Variants in TSC22D3 observed in about 807,000 individuals in gnomAD.
TSC22D3 encodes the protein TSC22 domain family member 3.
TSC22D3 carries 4 observed loss-of-function variants against 11.1 expected under a neutral mutation model. The observed-to-expected ratio is 0.36, with a 90% CI of 0.18 to 0.83. TSC22D3 has a LOEUF of 0.83. Among genes scored for constraint, TSC22D3 ranks in the 40% least tolerant of loss-of-function variants. The probability of loss-of-function intolerance (pLI) is 0.48; values close to 1 mark genes in which losing one functional copy is unlikely to be tolerated. For synonymous variants in TSC22D3, 77 were observed against 70.3 expected (o/e 1.10, Z -0.48); for missense variants, 118 against 159.4 (o/e 0.74, Z 1.40).
At chrX:107,723,047 G>A (rs1927426457) in intron 1 of TSC22D3, among the ~76,000 whole-genome samples, 1 of 110,660 alleles carries the variant, frequency 9.0e-6, no homozygotes, top group South Asian at 3.9e-4. Flanking sequence ...TCGGGCTTGG[G>A]GGTGCTTGGG....
chrX:107,720,962 A>G (rs1927299361), intron 1 of TSC22D3, among the ~76,000 whole-genome samples: 2 of 111,280 alleles, frequency 1.8e-5, no homozygotes, highest in Admixed American at 1.9e-4. Context: ...CCCAAACAGG[A>G]AACAGTGGCC....
intron 1 of TSC22D3, among the ~76,000 whole-genome samples, chrX:107,764,192 C>T (rs750071877): frequency 1.8e-5 from 2 of 112,565 alleles, no homozygotes; most frequent in South Asian, 7.4e-4. Flanking sequence ...GCATGACTAT[C>T]TGGTTAATGC....
chrX:107,751,374 G>A (rs192722773), intron 1 of TSC22D3, among the ~76,000 whole-genome samples: 1 of 111,814 alleles, frequency 8.9e-6, no homozygotes, highest in African/African-American at 3.3e-5. Flanking sequence ...GGTGGGGAGA[G>A]AGGCTCCTGA....
intron 1 of TSC22D3, chrX:107,717,149 G>C: frequency 1.3e-6 from 1 of 767,307 alleles, no homozygotes; most frequent in Non-Finnish European, 1.6e-6. Flanking sequence ...GTCCTGTACC[G>C]GGCTTTGTGG....
In TSC22D3 at chrX:107,724,601, T is replaced by A. The variant is rs139176060; in HGVS notation, c.321-8651A>T. On this transcript the variant is annotated intron_variant, in intron 1 of 2. Coordinates refer to ENST00000372383, the MANE Select transcript of TSC22D3 (RefSeq NM_198057.3). ...GCCACAAGACATAGCAAGATAGCAA[T>A]GCAGGACACTCTAGCCCATGCCAGA... 3.6e-5 allele frequency among the ~76,000 whole-genome samples: 4 copies of A among 112,566 alleles called. No homozygotes were observed. The East Asian group carries it at 1.1e-3, about 31-fold the overall frequency.
At chrX:107,766,768 G>A (rs1929678869) in intron 1 of TSC22D3, among the ~76,000 whole-genome samples, 1 of 111,026 alleles carries the variant, frequency 9.0e-6, no homozygotes, top group African/African-American at 3.3e-5. Flanking sequence ...TGACACTGGG[G>A]AGAGTAGGCT....
chrX:107,752,014 G>A (rs1378934421), intron 1 of TSC22D3, among the ~76,000 whole-genome samples: 2 of 112,353 alleles, frequency 1.8e-5, no homozygotes, highest in African/African-American at 3.2e-5. Flanking sequence ...TATCACATTC[G>A]CATTAGCAGA....
chrX:107,756,609 C>G (rs1286457061), intron 1 of TSC22D3, among the ~76,000 whole-genome samples: 1 of 112,479 alleles, frequency 8.9e-6, no homozygotes, highest in African/African-American at 3.2e-5. Context: ...AGTCCTGAGC[C>G]TGCCTCCCTC....
At chrX:107,739,843 C>T (rs1928313137) in intron 1 of TSC22D3, among the ~76,000 whole-genome samples, 1 of 112,213 alleles carries the variant, frequency 8.9e-6, no homozygotes, top group African/African-American at 3.2e-5. Context: ...CTTAGTGTCC[C>T]GCTTGGGGTC....
intron 1 of TSC22D3, chrX:107,716,582 C>T: frequency 3.1e-6 from 3 of 980,683 alleles, no homozygotes; most frequent in East Asian, 4.8e-5. Context: ...TGCTGCACCG[C>T]GGGGAACAGG....
chrX:107,771,173 A>T lies in TSC22D3; in HGVS notation c.320+3927T>A, dbSNP rs749197319. On this transcript the variant is annotated intron_variant, in intron 1 of 2. Transcript: ENST00000372383. ...ATTAGTTTAGTTACTGAGTGTTCTT[A>T]ACAATTCTTTCTTCATAGACAATTC... Among the ~76,000 whole-genome samples the T allele has an allele frequency of 2.7e-5, 3 of 112,993 alleles. No individual in the cohort carries two copies. In the East Asian group the frequency reaches 8.3e-4, roughly 31 times the overall value.
At chrX:107,765,943 A>C (rs1199126495) in intron 1 of TSC22D3, among the ~76,000 whole-genome samples, 1 of 111,802 alleles carries the variant, frequency 8.9e-6, no homozygotes, top group Non-Finnish European at 1.9e-5. Context: ...TTTGGATACA[A>C]ATCATGCCTG....
chrX:107,767,622 T>C (rs1313044881), intron 1 of TSC22D3, among the ~76,000 whole-genome samples: 3 of 112,122 alleles, frequency 2.7e-5, no homozygotes, highest in Non-Finnish European at 5.6e-5. Flanking sequence ...ACTCCAACTC[T>C]AGTTAAGCTG....
At chrX:107,722,183 G>C in intron 1 of TSC22D3, 1 of 238,348 alleles carries the variant, frequency 4.2e-6, no homozygotes. Context: ...TGCAGATGCA[G>C]ATGCAGAAGG....
intron 1 of TSC22D3, among the ~76,000 whole-genome samples, chrX:107,769,064 T>G (rs2147792657): frequency 8.9e-6 from 1 of 112,722 alleles, no homozygotes; most frequent in South Asian, 3.7e-4. Flanking sequence ...TTATGACAGG[T>G]TCCTACGTAT....
chrX:107,745,471 C>T (rs1049390468), intron 1 of TSC22D3, among the ~76,000 whole-genome samples: 2 of 112,235 alleles, frequency 1.8e-5, no homozygotes, highest in African/African-American at 6.5e-5. Flanking sequence ...TACAAGGGGA[C>T]TGGTTTTGGT....
At chrX:107,740,852 AC>A (rs1272947052) in intron 1 of TSC22D3, among the ~76,000 whole-genome samples, 1 of 110,353 alleles carries the variant, frequency 9.1e-6, no homozygotes, top group Non-Finnish European at 1.9e-5. Flanking sequence ...ATACACACAG[AC>A]CAAGTTACTG....
At chrX:107,754,108 C>T (rs977291009) in intron 1 of TSC22D3, among the ~76,000 whole-genome samples, 30 of 109,991 alleles carry the variant, frequency 2.7e-4, no homozygotes, top group African/African-American at 9.3e-4. Flanking sequence ...TTAGTAGAGA[C>T]GGGGATTTCA....
At chrX:107,726,638 T>C (rs1927638579) in intron 1 of TSC22D3, among the ~76,000 whole-genome samples, 1 of 111,555 alleles carries the variant, frequency 9.0e-6, no homozygotes, top group Non-Finnish European at 1.9e-5. Flanking sequence ...TTGATTTCTT[T>C]TCTTTCTTTC....
Sources: allele counts gnomAD v4.1 joint callset (sites outside exome capture counted in the v4.1 genomes callset), GRCh38; gene constraint gnomAD v4.1.1; transcripts MANE v1.5; gene names NCBI Gene and HGNC (gene_info 2026-07-23, HGNC 2026-07-21).